The following CNDP1 variants were observed in gnomAD, a reference collection of about 807,000 sequenced individuals.
CNDP1 encodes the protein carnosine dipeptidase 1.
A neutral mutation model predicts 58.1 loss-of-function variants in CNDP1; 44 were observed. The ratio of observed to expected loss-of-function variants is 0.76; its 90% CI spans 0.60 to 0.97. CNDP1 has a LOEUF of 0.97. Ranked by LOEUF, CNDP1 falls within the 50% of genes least tolerant of loss-of-function variation. CNDP1 has a pLI of 0.00. For synonymous variants in CNDP1, 254 were observed against 252.6 expected (o/e 1.01, Z -0.05); for missense variants, 616 against 655.1 (o/e 0.94, Z 0.65).
Position 74,584,573 on chromosome 18 carries a change from C to T in CNDP1, c.*11C>T. The T allele has an allele frequency of 6.2e-7, 1 of 1,607,464 alleles. No individual in the cohort carries two copies. The highest frequency in any genetic ancestry group is 8.5e-7 in the Non-Finnish European group (1 of 1,173,990). Reference sequence around the variant, plus strand: ...GCCCAGCTCCATTAATCACAAGAACCTTCTAGTCTGATCTGATCCACTGAC... The same window carrying T: ...GCCCAGCTCCATTAATCACAAGAACTTTCTAGTCTGATCTGATCCACTGAC... On this transcript the variant is annotated 3_prime_UTR_variant, in exon 12 of 12. Transcript: ENST00000358821.
At chr18:74,544,164 A>T (rs1010821263) in intron 1 of CNDP1, among the ~76,000 whole-genome samples, 2 of 152,072 alleles carry the variant, frequency 1.3e-5, no homozygotes, top group African/African-American at 4.8e-5. Context: ...AGACAGAAGA[A>T]TCACTTGACA....
At chr18:74,568,379 CA>C (rs537901641) in intron 6 of CNDP1, among the ~76,000 whole-genome samples, 2 of 152,172 alleles carry the variant, frequency 1.3e-5, no homozygotes, top group Non-Finnish European at 2.9e-5. Flanking sequence ...TAGTGAGACA[CA>C]GATACTAAAG....
At position 74,585,476 on chromosome 18, in the gene CNDP1, A is replaced by C. The variant is rs915691697; in HGVS notation, c.*914A>C. 1 of 152,236 alleles carries C rather than the reference A, an allele frequency of 6.6e-6. No individual in the cohort carries two copies. The highest frequency in any genetic ancestry group is 1.5e-5 in the Non-Finnish European group (1 of 68,048). 9.4% of individuals were successfully genotyped at this position (152,236 alleles called of 1,614,324 possible). On this transcript the variant is annotated 3_prime_UTR_variant, in exon 12 of 12. Transcript: ENST00000358821. The stretch of plus-strand genomic sequence containing the variant: ...CCCTGACATCAGTAACACACGCTAA[A>C]TTTAAAGCCATCAGCTAATGCTGCA...
intron 2 of CNDP1, among the ~76,000 whole-genome samples, chr18:74,557,914 C>G (rs1981083437): frequency 6.6e-6 from 1 of 152,166 alleles, no homozygotes; most frequent in African/African-American, 2.4e-5. Flanking sequence ...ATTTTTGAAA[C>G]CTGAGTGGGG....
intron 1 of CNDP1, among the ~76,000 whole-genome samples, chr18:74,542,370 C>G (rs1446049515): frequency 1.3e-5 from 2 of 152,166 alleles, no homozygotes; most frequent in Non-Finnish European, 2.9e-5. Flanking sequence ...TAAGTGGACC[C>G]TTTTTATCTT....
chr18:74,541,223 G>C (rs1031743676), intron 1 of CNDP1, among the ~76,000 whole-genome samples: 2 of 152,232 alleles, frequency 1.3e-5, no homozygotes, highest in African/African-American at 2.4e-5. Flanking sequence ...ACCTGGGGAA[G>C]GAGACGGCAG....
At chr18:74,579,213 C>CCCTTG (rs1555711494) in intron 9 of CNDP1, among the ~76,000 whole-genome samples, 697 of 56,314 alleles carry the variant, frequency 0.012, 1 homozygote, top group African/African-American at 0.029. Context: ...GCCTTCCCTT[C>CCCTTG]CCTTCCCTTC....
intron 1 of CNDP1, among the ~76,000 whole-genome samples, chr18:74,553,350 G>A (rs1980956834): frequency 6.6e-6 from 1 of 152,118 alleles, no homozygotes; most frequent in Non-Finnish European, 1.5e-5. Flanking sequence ...TCCAAAGGTA[G>A]GAAGATTTAC....
At chr18:74,546,191 C>T (rs1167347614) in intron 1 of CNDP1, among the ~76,000 whole-genome samples, 3 of 152,146 alleles carry the variant, frequency 2.0e-5, no homozygotes, top group Admixed American at 6.5e-5. Context: ...TGGAAGGTTC[C>T]GGAAGTAGTG....
intron 1 of CNDP1, 39 bp from the exon 2 acceptor site, chr18:74,556,299 T>G (rs889973673): frequency 6.2e-7 from 1 of 1,600,266 alleles, no homozygotes; most frequent in African/African-American, 1.3e-5. Flanking sequence ...GCAACTGGCA[T>G]TGATTTTCAT....
chr18:74,546,514 A>C (rs1055802696), intron 1 of CNDP1, among the ~76,000 whole-genome samples: 1 of 151,876 alleles, frequency 6.6e-6, no homozygotes, highest in Non-Finnish European at 1.5e-5. Flanking sequence ...CACCCCCCTT[A>C]AGGTGCTTGG....
intron 10 of CNDP1, 130 bp downstream of exon 10, chr18:74,580,401 T>C (rs1386933577): frequency 1.1e-6 from 1 of 905,496 alleles, no homozygotes; most frequent in East Asian, 2.6e-5. Flanking sequence ...GAGCACATTG[T>C]TGAATGCATG....
At chr18:74,560,465 T>G (rs1227931142) in intron 3 of CNDP1, among the ~76,000 whole-genome samples, 1 of 152,116 alleles carries the variant, frequency 6.6e-6, no homozygotes, top group Non-Finnish European at 1.5e-5. Flanking sequence ...CCTAGCACTT[T>G]AGGAGGCTAA....
chr18:74,564,708 C>T (rs1981283562), intron 5 of CNDP1, among the ~76,000 whole-genome samples: 1 of 152,208 alleles, frequency 6.6e-6, no homozygotes, highest in African/African-American at 2.4e-5. Context: ...GTAGCTGCTC[C>T]TTTCCCCAAT....
intron 1 of CNDP1, among the ~76,000 whole-genome samples, chr18:74,543,669 A>G (rs1011117269): frequency 6.6e-6 from 1 of 152,190 alleles, no homozygotes; most frequent in Non-Finnish European, 1.5e-5. Flanking sequence ...GAAAAATATT[A>G]CAGAGAATAT....
At chr18:74,559,618 C>T in intron 3 of CNDP1, 146 bp downstream of exon 3, 1 of 761,050 alleles carries the variant, frequency 1.3e-6, no homozygotes, top group Non-Finnish European at 2.0e-6. Flanking sequence ...AAACATTCCC[C>T]TGGTCTCAAA....
Position 74,580,171 on chromosome 18 carries a change from T to A in CNDP1, c.1209T>A (p.Ser403Arg). The change falls in exon 10 of 12, where the codon AGT becomes AGA. Residue 403 changes from serine to arginine, a missense_variant. Ser to Arg is a moderately radical substitution (Grantham distance 110). Transcript: ENST00000358821. The part of the protein sequence containing the change: ...HLEDVFSKRN[S>R]SNKMVVSMTL... ...AAGATGTGTTCTCCAAAAGAAATAGTTCCAACAAGATGGTTGTTTCCATGA... is the reference window on the plus strand; with the variant it reads ...AAGATGTGTTCTCCAAAAGAAATAGATCCAACAAGATGGTTGTTTCCATGA... The A allele has an allele frequency of 6.2e-7, 1 of 1,613,972 alleles. No homozygotes were observed.
chr18:74,576,745 C>T (rs938955021), intron 7 of CNDP1, 124 bp from the exon 8 acceptor site: 28 of 785,226 alleles, frequency 3.6e-5, no homozygotes, highest in Non-Finnish European at 4.7e-5. Context: ...GCTTTGGCCA[C>T]GGGGACCCAG....
At chr18:74,544,334 G>C (rs983239430) in intron 1 of CNDP1, among the ~76,000 whole-genome samples, 1 of 152,220 alleles carries the variant, frequency 6.6e-6, no homozygotes, top group African/African-American at 2.4e-5. Context: ...GCTATGGAAA[G>C]AAGAGAAACA....
Sources: allele counts gnomAD v4.1 joint callset (sites outside exome capture counted in the v4.1 genomes callset), GRCh38; gene constraint gnomAD v4.1.1; transcripts MANE v1.5; gene names NCBI Gene and HGNC (gene_info 2026-07-23, HGNC 2026-07-21).